Variants in DMXL1 observed in about 807,000 individuals in gnomAD.
DMXL1 encodes the protein Dmx like 1, also known as dmX-like protein 1.
A neutral mutation model predicts 319.2 loss-of-function variants in DMXL1; 99 were observed. The observed-to-expected ratio is 0.31, with a 90% CI of 0.26 to 0.37. The LOEUF (loss-of-function observed/expected upper bound fraction) is 0.37. Ranked by LOEUF, DMXL1 falls within the 10% of genes least tolerant of loss-of-function variation. The pLI, the probability that DMXL1 is intolerant of heterozygous loss-of-function variation, is 1.00. For synonymous variants in DMXL1, 1,385 were observed against 1,235.2 expected, an observed-to-expected ratio of 1.12 and a Z score of -2.54; for missense variants, 3,745 against 3,595.6, an observed-to-expected ratio of 1.04 and a Z score of -1.06.
chr5:119,077,262 G>C (rs1211759964), intron 1 of DMXL1, among the ~76,000 whole-genome samples: 1 of 151,356 alleles, frequency 6.6e-6, no homozygotes. Flanking sequence ...GTGCCCCACT[G>C]TGCCCAGTGA....
chr5:119,208,440 C>T (rs541348340), intron 34 of DMXL1, among the ~76,000 whole-genome samples: 1 of 152,120 alleles, frequency 6.6e-6, no homozygotes, highest in South Asian at 2.1e-4. Context: ...TCTTGAACTC[C>T]CAACGTCAGG....
chr5:119,203,493 A>G (rs1272132050), intron 33 of DMXL1, 57 bp downstream of exon 33: 6 of 1,005,640 alleles, frequency 6.0e-6, no homozygotes, highest in Non-Finnish European at 8.5e-6. Flanking sequence ...TTATATTATC[A>G]TGTAACCATT....
At chr5:119,138,197 A>C (rs1267109174) in intron 13 of DMXL1, among the ~76,000 whole-genome samples, 30 of 152,200 alleles carry the variant, frequency 2.0e-4, no homozygotes, top group Admixed American at 6.5e-5. Flanking sequence ...GCCAAATTCA[A>C]GATGTTGTTT....
Position 119,143,945 on chromosome 5 carries a change from T to TG in DMXL1, c.2466+22dup, listed in dbSNP as rs750219097. On this transcript the variant is annotated intron_variant, in intron 14 of 43. Transcript: ENST00000539542. ...TTACCAAACTTGTAAGTATTAATTTTGGGGGGGAGGTATATTAAAAAAAAG... is the reference window on the plus strand; with the variant it reads ...TTACCAAACTTGTAAGTATTAATTTTGGGGGGGGAGGTATATTAAAAAAAAG... 35 of 1,489,594 alleles carry TG rather than the reference T, an allele frequency of 2.3e-5. No individual in the cohort carries two copies. The highest frequency in any genetic ancestry group is 5.1e-5 in the South Asian group (4 of 77,932). The allele number at this position is 1,489,594 out of a possible 1,614,324, so 92.3% of individuals were successfully genotyped here. A position where few individuals can be genotyped will look rare whatever the true frequency, so the allele number is the denominator to read the frequency against.
chr5:119,143,301 A>T (rs1363784088), intron 13 of DMXL1, among the ~76,000 whole-genome samples: 1 of 151,990 alleles, frequency 6.6e-6, no homozygotes, highest in Non-Finnish European at 1.5e-5. Context: ...GTATAATGGA[A>T]GGCAAAAGAA....
At chr5:119,222,649 T>A (rs62375068) in intron 37 of DMXL1, among the ~76,000 whole-genome samples, 1 of 152,292 alleles carries the variant, frequency 6.6e-6, no homozygotes, top group South Asian at 2.1e-4. Context: ...TACTCTTTTC[T>A]AAAACATCAT....
intron 5 of DMXL1, among the ~76,000 whole-genome samples, chr5:119,110,942 C>A (rs1369863414): frequency 6.6e-6 from 1 of 152,150 alleles, no homozygotes; most frequent in Non-Finnish European, 1.5e-5. Context: ...GCACGCGCCA[C>A]CACATCTGGC....
chr5:119,246,966 A>G (rs1789915598), intron 43 of DMXL1, 29 bp from the exon 44 acceptor site: 1 of 1,533,632 alleles, frequency 6.5e-7, no homozygotes, highest in African/African-American at 1.4e-5. Flanking sequence ...ATCAACCCTA[A>G]TTTTCCGTTT....
chr5:119,247,171 T>G lies in DMXL1; in HGVS notation c.9099T>G (p.Phe3033Leu). Residue 3033 changes from phenylalanine (F) to leucine (L), a missense_variant, in exon 44 of 44, where the codon TTT becomes TTG. Phe to Leu is a conservative substitution (Grantham distance 22, BLOSUM62 0). Coordinates refer to ENST00000539542, the MANE Select transcript of DMXL1 (RefSeq NM_001290321.3). ...TMKMRILPDQFSPLNEVLKND... is the reference protein window; with the variant it reads ...TMKMRILPDQLSPLNEVLKND... ...AAATGAGAATACTGCCAGATCAGTTTAGCCCTTTAAATGAAGTGTTGAAAA... is the reference window on the plus strand; with the variant it reads ...AAATGAGAATACTGCCAGATCAGTTGAGCCCTTTAAATGAAGTGTTGAAAA... 3 of 1,613,960 alleles carry G rather than the reference T, an allele frequency of 1.9e-6. No homozygotes were observed. Among genetic ancestry groups the G allele is most frequent in the East Asian group, 2.2e-5 (1 of 44,874 alleles).
chr5:119,097,971 T>C lies in DMXL1; in HGVS notation c.88-8T>C, dbSNP rs1756373027. 4.4e-6 allele frequency: 7 copies of C among 1,596,120 alleles called. No homozygotes were observed. The highest frequency in any genetic ancestry group is 6.0e-6 in the Non-Finnish European group (7 of 1,171,162). Reference sequence around the variant, plus strand: ...ACTTTTATCATTTTTATTTATTTATTTTTTTAGGCTTATGCATCTGGATGT... The same window carrying C: ...ACTTTTATCATTTTTATTTATTTATCTTTTTAGGCTTATGCATCTGGATGT... On this transcript the variant is annotated splice_region_variant and splice_polypyrimidine_tract_variant and intron_variant, in intron 1 of 43. Coordinates refer to ENST00000539542, the MANE Select transcript of DMXL1 (RefSeq NM_001290321.3).
At chr5:119,106,347 C>T (rs996677983) in intron 4 of DMXL1, among the ~76,000 whole-genome samples, 1 of 152,128 alleles carries the variant, frequency 6.6e-6, no homozygotes, top group Admixed American at 6.5e-5. Flanking sequence ...TAGACTCCCC[C>T]TCTTGATGAA....
chr5:119,150,790 T>TA lies in DMXL1; in HGVS notation c.4594+380dup, dbSNP rs908009139. On this transcript the variant is annotated intron_variant, in intron 18 of 43. Transcript: ENST00000539542. The stretch of plus-strand genomic sequence containing the variant: ...GACAATAGAGCAAGACCCTGTCTCT[T>TA]AAAAAAAAAAATACCATGAAGGTTT... Among the ~76,000 whole-genome samples, 599 of 146,956 alleles carry TA rather than the reference T, an allele frequency of 4.1e-3. 3 individuals carry two copies. Among genetic ancestry groups the TA allele is most frequent in the African/African-American group, 0.013 (524 of 40,296 alleles).
At chr5:119,142,222 ACATCAAAAGCAAT>A (rs1284258579) in intron 13 of DMXL1, among the ~76,000 whole-genome samples, 1 of 152,068 alleles carries the variant, frequency 6.6e-6, no homozygotes, top group Non-Finnish European at 1.5e-5. Context: ...CATGACAAAG[ACATCAAAAGCAAT>A]CATAACAGAG....
At chr5:119,199,518 G>A (rs1780290422) in intron 32 of DMXL1, among the ~76,000 whole-genome samples, 2 of 152,134 alleles carry the variant, frequency 1.3e-5, no homozygotes, top group Non-Finnish European at 2.9e-5. Flanking sequence ...TAATGCTGCA[G>A]CGAACACTTG....
rs1421453041 is a variant in DMXL1 at position 119,093,293 on chromosome 5, G to A, written c.88-4686G>A. ...CTGCCTCCTGGGTTCAAATGAGCAC[G>A]CCTGGCTAATTTTCATATTTTTAGT... On this transcript the variant is annotated intron_variant, in intron 1 of 43. Coordinates refer to ENST00000539542, the MANE Select transcript of DMXL1 (RefSeq NM_001290321.3). Among the ~76,000 whole-genome samples the A allele has an allele frequency of 3.9e-5, 6 of 152,094 alleles. No individual in the cohort carries two copies. In the South Asian group the frequency reaches 6.2e-4, roughly 16 times the overall value.
chr5:119,174,668 C>G (rs1775432081), intron 25 of DMXL1, among the ~76,000 whole-genome samples: 1 of 152,328 alleles, frequency 6.6e-6, no homozygotes, highest in East Asian at 1.9e-4. Flanking sequence ...CTCCTTCATC[C>G]TCAGTTCTGC....
intron 2 of DMXL1, among the ~76,000 whole-genome samples, chr5:119,101,604 T>C (rs903819572): frequency 6.6e-6 from 1 of 152,260 alleles, no homozygotes; most frequent in African/African-American, 2.4e-5. Context: ...TAACATTTAC[T>C]GTGCATATTG....
At chr5:119,109,846 C>A (rs78437578) in intron 4 of DMXL1, among the ~76,000 whole-genome samples, 11 of 152,244 alleles carry the variant, frequency 7.2e-5, no homozygotes, top group African/African-American at 2.6e-4. Context: ...TGTCTTTCTG[C>A]TGAAATATGA....
At chr5:119,160,210 C>T (rs998171383) in intron 19 of DMXL1, among the ~76,000 whole-genome samples, 1 of 151,864 alleles carries the variant, frequency 6.6e-6, no homozygotes, top group Non-Finnish European at 1.5e-5. Context: ...TTGCTGCATC[C>T]CATAAATTTT....
Sources: allele counts gnomAD v4.1 joint callset (sites outside exome capture counted in the v4.1 genomes callset), GRCh38; gene constraint gnomAD v4.1.1; transcripts MANE v1.5; gene names NCBI Gene and HGNC (gene_info 2026-07-23, HGNC 2026-07-21).